The following THSD4 variants were observed in gnomAD, a reference collection of about 807,000 sequenced individuals.
THSD4 encodes thrombospondin type-1 domain-containing protein 4.
A neutral mutation model predicts 119.0 loss-of-function variants in THSD4; 69 were observed. The ratio of observed to expected loss-of-function variants is 0.58; its 90% CI spans 0.48 to 0.71. The LOEUF (loss-of-function observed/expected upper bound fraction) is 0.71. THSD4 is among the 30% of genes least tolerant of loss of function. The probability of loss-of-function intolerance (pLI) is 0.00; values close to 1 mark genes in which losing one functional copy is unlikely to be tolerated. For missense variants in THSD4, 1,393 were observed against 1,391.1 expected (o/e 1.00, Z -0.02); for synonymous variants, 524 against 540.4 (o/e 0.97, Z 0.42).
At chr15:71,157,251 C>T (rs1467954343) in intron 3 of THSD4, among the ~76,000 whole-genome samples, 1 of 152,108 alleles carries the variant, frequency 6.6e-6, no homozygotes, top group Non-Finnish European at 1.5e-5. Context: ...TCACTCTCAT[C>T]TTTCTTCAAG....
At chr15:71,382,195 A>T (rs927279868) in intron 6 of THSD4, among the ~76,000 whole-genome samples, 2 of 152,198 alleles carry the variant, frequency 1.3e-5, no homozygotes, top group African/African-American at 2.4e-5. Flanking sequence ...CAAAGACCTA[A>T]GAAAGACAAC....
intron 6 of THSD4, among the ~76,000 whole-genome samples, chr15:71,284,874 C>G (rs201798750): frequency 2.6e-5 from 4 of 151,956 alleles, no homozygotes; most frequent in Non-Finnish European, 1.5e-5. Context: ...TAGTCATGAC[C>G]TACCCAGTCC....
chr15:71,329,062 G>C (rs2045386687), intron 6 of THSD4, among the ~76,000 whole-genome samples: 1 of 152,210 alleles, frequency 6.6e-6, no homozygotes, highest in African/African-American at 2.4e-5. Context: ...GGGCATCTGA[G>C]AAATACCAAG....
intron 1 of THSD4, among the ~76,000 whole-genome samples, chr15:71,139,118 A>C (rs952580080): frequency 6.6e-6 from 1 of 152,144 alleles, no homozygotes; most frequent in African/African-American, 2.4e-5. Context: ...TTACTATCTC[A>C]TTAGGCTAAG....
At chr15:71,193,816 T>C (rs1596261128) in intron 3 of THSD4, among the ~76,000 whole-genome samples, 1 of 152,166 alleles carries the variant, frequency 6.6e-6, no homozygotes, top group Non-Finnish European at 1.5e-5. Context: ...CACACCATTC[T>C]CCTGCCTCAG....
chr15:71,393,573 G>A (rs966298262), intron 6 of THSD4, among the ~76,000 whole-genome samples: 1 of 152,114 alleles, frequency 6.6e-6, no homozygotes, highest in Non-Finnish European at 1.5e-5. Flanking sequence ...GTTTGTGCGT[G>A]AGCAGATGGC....
Position 71,290,594 on chromosome 15 carries a change from T to G in THSD4, c.1015+33879T>G, listed in dbSNP as rs550655355. Among the ~76,000 whole-genome samples the G allele has an allele frequency of 9.8e-4, 150 of 152,354 alleles. 1 individual carries two copies. Among genetic ancestry groups the G allele is most frequent in the African/African-American group, 3.5e-3 (146 of 41,582 alleles). ...TAAATGCATTGTAATTAAATTTATTTCAGGCTTTGATTACTAAGAAGTGCA... is the reference window on the plus strand; with the variant it reads ...TAAATGCATTGTAATTAAATTTATTGCAGGCTTTGATTACTAAGAAGTGCA... On this transcript the variant is annotated intron_variant, in intron 6 of 17. Coordinates refer to ENST00000261862, the MANE Select transcript of THSD4 (RefSeq NM_024817.3).
chr15:71,507,265 A>G (rs894559406), intron 7 of THSD4, among the ~76,000 whole-genome samples: 2 of 152,134 alleles, frequency 1.3e-5, no homozygotes, highest in Non-Finnish European at 2.9e-5. Context: ...TTGATGTTGT[A>G]TGTTTTTAAT....
chr15:71,301,064 C>A (rs952861390), intron 6 of THSD4, among the ~76,000 whole-genome samples: 13 of 151,996 alleles, frequency 8.6e-5, no homozygotes, highest in African/African-American at 3.1e-4. Flanking sequence ...ATTTCTCTGC[C>A]CTAAGATTAT....
At chr15:71,504,675 C>A (rs1223926789) in intron 7 of THSD4, among the ~76,000 whole-genome samples, 2 of 152,068 alleles carry the variant, frequency 1.3e-5, no homozygotes, top group Non-Finnish European at 2.9e-5. Context: ...TTCCTGTACC[C>A]CTTAGCCAGT....
At chr15:71,425,538 C>T (rs1488042225) in intron 7 of THSD4, among the ~76,000 whole-genome samples, 1 of 152,294 alleles carries the variant, frequency 6.6e-6, no homozygotes, top group African/African-American at 2.4e-5. Context: ...CATCGTCTGC[C>T]CCCTGTCAGG....
At chr15:71,292,699 C>T (rs112420370) in intron 6 of THSD4, among the ~76,000 whole-genome samples, 15,043 of 136,546 alleles carry the variant, frequency 0.11, 947 homozygotes, top group South Asian at 0.27. Flanking sequence ...TTTTTTGAGA[C>T]GGAGTCTTGC....
At chr15:71,183,357 A>G (rs1207772715) in intron 3 of THSD4, 1 of 151,698 alleles carries the variant, frequency 6.6e-6, no homozygotes, top group Non-Finnish European at 1.5e-5. Flanking sequence ...TTAGAATGAG[A>G]TTTGGATGGG....
chr15:71,479,180 CTTTTTTTTTT>C (rs5813637), intron 7 of THSD4, among the ~76,000 whole-genome samples: 1 of 80,142 alleles, frequency 1.2e-5, no homozygotes, highest in African/African-American at 5.1e-5. Context: ...TTTCTTCTGC[CTTTTTTTTTT>C]TTTTTTTTTT....
At chr15:71,413,694 G>T (rs1268453154) in intron 7 of THSD4, among the ~76,000 whole-genome samples, 1 of 152,224 alleles carries the variant, frequency 6.6e-6, no homozygotes, top group African/African-American at 2.4e-5. Context: ...TATCTGATGT[G>T]TATGAAGTAT....
chr15:71,527,799 G>C (rs2048547544), intron 7 of THSD4, among the ~76,000 whole-genome samples: 1 of 133,196 alleles, frequency 7.5e-6, no homozygotes, highest in South Asian at 2.4e-4. Flanking sequence ...TGCAGCTTTA[G>C]CCTCCCAGGT....
intron 6 of THSD4, among the ~76,000 whole-genome samples, chr15:71,329,806 C>T (rs28617696): frequency 0.14 from 21,736 of 152,188 alleles, 1,594 homozygotes; most frequent in Middle Eastern, 0.23. Flanking sequence ...ATGGGCTGGG[C>T]GTGGTGGCTC....
chr15:71,339,828 G>A lies in THSD4; in HGVS notation c.1016-71859G>A, dbSNP rs374498065. On this transcript the variant is annotated intron_variant, in intron 6 of 17. Transcript: ENST00000261862. ...CACCCAGGCTAGAGTGCAGTGGCGC[G>A]ATCTCCGCTCACTGCAACCTCTGCC... Among the ~76,000 whole-genome samples the A allele has an allele frequency of 9.9e-5, 15 of 152,014 alleles. No homozygotes were observed. In the South Asian group the frequency reaches 2.3e-3, roughly 23 times the overall value.
intron 15 of THSD4, among the ~76,000 whole-genome samples, chr15:71,762,522 G>C (rs142442505): frequency 6.6e-6 from 1 of 152,264 alleles, no homozygotes; most frequent in Non-Finnish European, 1.5e-5. Flanking sequence ...ACTATTTAGC[G>C]ACACTGTCTA....
Sources: gnomAD v4.1 joint callset for allele counts (sites outside exome capture counted in the v4.1 genomes callset) on GRCh38, gnomAD v4.1.1 for gene constraint, MANE v1.5 for transcripts, NCBI Gene and HGNC (gene_info 2026-07-23, HGNC 2026-07-21) for gene names.